RAPGEF4: variants seen among roughly 807,000 people sequenced by gnomAD.
RAPGEF4 encodes RAP guanine-nucleotide-exchange factor (GEF) 4.
A neutral mutation model predicts 147.9 loss-of-function variants in RAPGEF4; 66 were observed. That is an observed-to-expected ratio of 0.45 (90% CI 0.37 to 0.55). RAPGEF4 has a LOEUF of 0.55. Among genes scored for constraint, RAPGEF4 ranks in the 20% least tolerant of loss-of-function variants. The pLI, the probability that RAPGEF4 is intolerant of heterozygous loss-of-function variation, is 0.00. For synonymous variants in RAPGEF4, 419 were observed against 442.7 expected (o/e 0.95, Z 0.67); for missense variants, 1,071 against 1,257.3 (o/e 0.85, Z 2.24).
chr2:172,925,231 G>A (rs1254698380), intron 6 of RAPGEF4, among the ~76,000 whole-genome samples: 2 of 152,210 alleles, frequency 1.3e-5, no homozygotes, highest in Admixed American at 6.5e-5. Context: ...CGCCCGCCTC[G>A]GCCTTCCAAA....
intron 5 of RAPGEF4, among the ~76,000 whole-genome samples, chr2:172,918,247 C>CTTTTTT (rs11332643): frequency 1.1e-5 from 1 of 87,618 alleles, no homozygotes; most frequent in Non-Finnish European, 2.2e-5. Context: ...CCACCTCTTG[C>CTTTTTT]TTTTTTTTTT....
At chr2:173,005,054 G>A (rs937212494) in intron 17 of RAPGEF4, among the ~76,000 whole-genome samples, 2 of 151,982 alleles carry the variant, frequency 1.3e-5, no homozygotes, top group African/African-American at 4.8e-5. Context: ...TATATTAATA[G>A]ATATGTCATA....
chr2:172,750,832 A>T (rs1695219271), intron 1 of RAPGEF4, among the ~76,000 whole-genome samples: 1 of 152,028 alleles, frequency 6.6e-6, no homozygotes, highest in Non-Finnish European at 1.5e-5. Flanking sequence ...AAAAAGTCAG[A>T]TTACTTGTTT....
intron 17 of RAPGEF4, among the ~76,000 whole-genome samples, chr2:173,011,378 C>A (rs1165964621): frequency 1.3e-5 from 2 of 152,158 alleles, no homozygotes; most frequent in Admixed American, 1.3e-4. Context: ...TTTATTCACT[C>A]AACAACCTTG....
chr2:173,045,175 T>C (rs1455041270), intron 29 of RAPGEF4, among the ~76,000 whole-genome samples: 1 of 152,204 alleles, frequency 6.6e-6, no homozygotes, highest in Non-Finnish European at 1.5e-5. Flanking sequence ...GGTTTTAGTT[T>C]TTAAAATCCT....
chr2:172,950,186 G>C (rs937254237), intron 6 of RAPGEF4, among the ~76,000 whole-genome samples: 2 of 152,128 alleles, frequency 1.3e-5, no homozygotes, highest in Admixed American at 6.5e-5. Context: ...TAAAGCCCAA[G>C]CTTGTGACCC....
intron 5 of RAPGEF4, among the ~76,000 whole-genome samples, chr2:172,921,254 G>A (rs1326141184): frequency 6.6e-6 from 1 of 151,932 alleles, no homozygotes; most frequent in African/African-American, 2.4e-5. Flanking sequence ...GCACCACCAT[G>A]CCCAGCTAGT....
rs374946347 is a variant in RAPGEF4, at chr2:173,018,690, C to T, written c.2043C>T (p.Tyr681=). The T allele has an allele frequency of 2.9e-5, 47 of 1,614,010 alleles. No homozygotes were observed. Among genetic ancestry groups the T allele is most frequent in the Non-Finnish European group, 4.0e-5 (47 of 1,180,024 alleles). The change falls in exon 22 of 31, where the codon TAC becomes TAT. Residue 681 remains tyrosine, a synonymous_variant. Transcript: ENST00000397081. ...AGGTCTATTGCATGGACCACACCTA[C>T]ACAACCATTCGGGTGCCAGTGGCCA... is the stretch of plus-strand genomic sequence containing the variant. ...LFKVYCMDHT[Y]TTIRVPVATS...
intron 8 of RAPGEF4, 123 bp downstream of exon 8, chr2:172,961,351 G>A: frequency 1.4e-6 from 1 of 718,044 alleles, no homozygotes; most frequent in South Asian, 1.9e-5. Context: ...TTCAGGTTCT[G>A]GAAGGTTAGG....
At chr2:172,940,259 A>G (rs78900252) in intron 6 of RAPGEF4, among the ~76,000 whole-genome samples, 3,127 of 152,164 alleles carry the variant, frequency 0.021, 112 homozygotes, top group African/African-American at 0.071. Flanking sequence ...ATTAGGTAGC[A>G]TGAGTTCTCC....
chr2:172,992,720 T>A (rs2105747394), intron 15 of RAPGEF4, among the ~76,000 whole-genome samples: 1 of 152,368 alleles, frequency 6.6e-6, no homozygotes, highest in African/African-American at 2.4e-5. Flanking sequence ...TATATCTCCT[T>A]ATTTGTGTCC....
At chr2:172,993,239 A>G (rs1458065694) in intron 15 of RAPGEF4, among the ~76,000 whole-genome samples, 1 of 152,174 alleles carries the variant, frequency 6.6e-6, no homozygotes, top group African/African-American at 2.4e-5. Context: ...ATGAAGGATA[A>G]ATTCCATGGA....
intron 1 of RAPGEF4, among the ~76,000 whole-genome samples, chr2:172,793,441 T>C (rs1378188693): frequency 1.3e-5 from 2 of 152,152 alleles, no homozygotes; most frequent in Non-Finnish European, 2.9e-5. Context: ...AGAATAAATA[T>C]ATGCTAGTTT....
chr2:172,957,919 G>A (rs1688905732), intron 6 of RAPGEF4, among the ~76,000 whole-genome samples: 1 of 152,188 alleles, frequency 6.6e-6, no homozygotes, highest in Non-Finnish European at 1.5e-5. Flanking sequence ...AGGGTTCCAA[G>A]GAACCAGAAA....
rs550560168 is a variant in RAPGEF4, at chr2:173,048,570, C to G, written c.2854-30C>G. The G allele has an allele frequency of 5.8e-5, 94 of 1,613,750 alleles. No homozygotes were observed. In the South Asian group the frequency reaches 9.8e-4, roughly 17 times the overall value. On this transcript the variant is annotated intron_variant, in intron 29 of 30. Coordinates refer to ENST00000397081, the MANE Select transcript of RAPGEF4 (RefSeq NM_007023.4). Reference sequence around the variant, plus strand: ...TTGTACTCTACGCTTACTTGAATTTCTATCTTTCTTTTTTCTATATTCCTT... The same window carrying G: ...TTGTACTCTACGCTTACTTGAATTTGTATCTTTCTTTTTTCTATATTCCTT...
At chr2:172,955,800 A>G (rs1688670652) in intron 6 of RAPGEF4, among the ~76,000 whole-genome samples, 2 of 151,984 alleles carry the variant, frequency 1.3e-5, no homozygotes, top group Admixed American at 6.5e-5. Context: ...ATCCGGGAGG[A>G]TATGGTGTAG....
chr2:172,759,435 A>G (rs951311885), intron 1 of RAPGEF4, among the ~76,000 whole-genome samples: 1 of 152,196 alleles, frequency 6.6e-6, no homozygotes, highest in Non-Finnish European at 1.5e-5. Context: ...CATGGATGCA[A>G]TTATGAAATT....
At chr2:172,992,854 A>G (rs1248884473) in intron 15 of RAPGEF4, among the ~76,000 whole-genome samples, 1 of 152,182 alleles carries the variant, frequency 6.6e-6, no homozygotes, top group Non-Finnish European at 1.5e-5. Flanking sequence ...GAAGAATGAA[A>G]AGCTGCTCTC....
intron 4 of RAPGEF4, among the ~76,000 whole-genome samples, chr2:172,887,733 A>G (rs1697407991): frequency 6.6e-6 from 1 of 152,062 alleles, no homozygotes; most frequent in Non-Finnish European, 1.5e-5. Flanking sequence ...CTCTTCTCAC[A>G]GTTCCTCTGC....
Sources: gnomAD v4.1 joint callset for allele counts (sites outside exome capture counted in the v4.1 genomes callset) on GRCh38, gnomAD v4.1.1 for gene constraint, MANE v1.5 for transcripts, NCBI Gene and HGNC (gene_info 2026-07-23, HGNC 2026-07-21) for gene names.